ADGRB3: variants seen among roughly 807,000 people sequenced by gnomAD.
The protein encoded by ADGRB3 is adhesion G protein-coupled receptor B3, also known as brain-specific angiogenesis inhibitor 3.
In ADGRB3, 37 loss-of-function variants were observed where a neutral mutation model predicts 193.4. That is an observed-to-expected ratio of 0.19 (90% CI 0.15 to 0.25). The LOEUF (loss-of-function observed/expected upper bound fraction) is 0.25, where lower values mean the gene tolerates loss of function less well. Ranked by LOEUF, ADGRB3 falls within the 10% of genes least tolerant of loss-of-function variation. The pLI, the probability that ADGRB3 is intolerant of heterozygous loss-of-function variation, is 1.00. For missense variants in ADGRB3, 1,637 were observed against 1,852.9 expected, an observed-to-expected ratio of 0.88 and a Z score of 2.14; for synonymous variants, 690 against 644.2, an observed-to-expected ratio of 1.07 and a Z score of -1.08.
intron 3 of ADGRB3, among the ~76,000 whole-genome samples, chr6:68,879,680 T>C (rs1035947792): frequency 2.0e-5 from 3 of 152,138 alleles, no homozygotes; most frequent in African/African-American, 7.2e-5. Context: ...GGGAGAACTT[T>C]CTTTGTTGCA....
intron 3 of ADGRB3, among the ~76,000 whole-genome samples, chr6:68,749,100 G>C (rs1486760235): frequency 6.6e-6 from 1 of 152,042 alleles, no homozygotes; most frequent in Non-Finnish European, 1.5e-5. Context: ...TTTTCCTCCT[G>C]GGCCTCTTGG....
At chr6:68,823,731 G>A (rs1436179394) in intron 3 of ADGRB3, among the ~76,000 whole-genome samples, 1 of 152,140 alleles carries the variant, frequency 6.6e-6, no homozygotes, top group African/African-American at 2.4e-5. Context: ...GAATATGGGG[G>A]TCATGTTATA....
At chr6:68,670,133 T>C (rs536437169) in intron 3 of ADGRB3, among the ~76,000 whole-genome samples, 1 of 152,184 alleles carries the variant, frequency 6.6e-6, no homozygotes, top group South Asian at 2.1e-4. Flanking sequence ...TTTTTTCTTA[T>C]ATAGTTGTTT....
At chr6:68,677,269 A>G (rs1178401585) in intron 3 of ADGRB3, among the ~76,000 whole-genome samples, 1 of 152,166 alleles carries the variant, frequency 6.6e-6, no homozygotes, top group Non-Finnish European at 1.5e-5. Context: ...AACTAGTAAA[A>G]GATGTACTGT....
chr6:69,297,589 G>A (rs1767857322), intron 20 of ADGRB3, among the ~76,000 whole-genome samples: 1 of 151,800 alleles, frequency 6.6e-6, no homozygotes, highest in South Asian at 2.1e-4. Context: ...GGTTGTCAAA[G>A]GTCTTAAATG....
chr6:69,141,876 G>A (rs1774350717), intron 17 of ADGRB3, among the ~76,000 whole-genome samples: 1 of 152,200 alleles, frequency 6.6e-6, no homozygotes, highest in Admixed American at 6.5e-5. Context: ...GCTGAGATTT[G>A]CCTATATGAA....
chr6:68,759,170 G>A (rs1440392641), intron 3 of ADGRB3, among the ~76,000 whole-genome samples: 2 of 151,976 alleles, frequency 1.3e-5, no homozygotes, highest in Non-Finnish European at 2.9e-5. Context: ...GAAGACATGG[G>A]ATATTTAAAT....
intron 13 of ADGRB3, among the ~76,000 whole-genome samples, chr6:69,025,111 A>G (rs1012079082): frequency 6.6e-6 from 1 of 151,066 alleles, no homozygotes; most frequent in African/African-American, 2.4e-5. Flanking sequence ...AAAAAAAAAT[A>G]AAAAATAATA....
At chr6:68,945,862 A>G (rs2150252097) in intron 6 of ADGRB3, among the ~76,000 whole-genome samples, 1 of 152,260 alleles carries the variant, frequency 6.6e-6, no homozygotes, top group Admixed American at 6.5e-5. Context: ...TTATCACTCA[A>G]GTAGTAACAC....
At chr6:69,340,755 T>A (rs1768956699) in intron 26 of ADGRB3, among the ~76,000 whole-genome samples, 1 of 152,112 alleles carries the variant, frequency 6.6e-6, no homozygotes, top group Admixed American at 6.6e-5. Context: ...CCTAATGCCA[T>A]CCCTCCTCTA....
chr6:69,213,825 A>G (rs1234619090), intron 17 of ADGRB3, among the ~76,000 whole-genome samples: 2 of 152,186 alleles, frequency 1.3e-5, no homozygotes, highest in African/African-American at 2.4e-5. Flanking sequence ...TACAGCATTT[A>G]CTATTTTACT....
intron 17 of ADGRB3, among the ~76,000 whole-genome samples, chr6:69,094,546 G>T (rs1772813901): frequency 6.6e-6 from 1 of 152,174 alleles, no homozygotes; most frequent in Non-Finnish European, 1.5e-5. Flanking sequence ...GAGGATGAAA[G>T]ATTGAATTAT....
At chr6:68,791,049 T>TACA (rs558613597) in intron 3 of ADGRB3, among the ~76,000 whole-genome samples, 4 of 97,362 alleles carry the variant, frequency 4.1e-5, no homozygotes, top group Non-Finnish European at 9.4e-5. Flanking sequence ...CCACATCTCT[T>TACA]AAAAAAAAAA....
chr6:68,648,119 C>T (rs111493268), intron 3 of ADGRB3, among the ~76,000 whole-genome samples: 2,115 of 152,230 alleles, frequency 0.014, 53 homozygotes, highest in African/African-American at 0.046. Flanking sequence ...CCTAGCTACA[C>T]GGCTGTAAAA....
intron 10 of ADGRB3, among the ~76,000 whole-genome samples, chr6:68,981,776 A>G (rs2150269001): frequency 6.6e-6 from 1 of 151,654 alleles, no homozygotes; most frequent in East Asian, 1.9e-4. Flanking sequence ...AGTCTAGAAT[A>G]CACTTTGTTT....
chr6:69,204,515 G>C (rs796356382), intron 17 of ADGRB3, among the ~76,000 whole-genome samples: 1 of 152,066 alleles, frequency 6.6e-6, no homozygotes, highest in African/African-American at 2.4e-5. Context: ...TAAGGCATTG[G>C]ACTTAAGATC....
At chr6:68,833,736 A>G (rs1405026093) in intron 3 of ADGRB3, among the ~76,000 whole-genome samples, 3 of 151,994 alleles carry the variant, frequency 2.0e-5, no homozygotes, top group Admixed American at 1.3e-4. Flanking sequence ...TTTCTTAACA[A>G]TCACCACTAA....
intron 8 of ADGRB3, among the ~76,000 whole-genome samples, chr6:68,971,752 A>G (rs1768577157): frequency 6.6e-6 from 1 of 152,198 alleles, no homozygotes; most frequent in African/African-American, 2.4e-5. Flanking sequence ...TCAGAAACCA[A>G]CTGATTACAT....
chr6:69,128,856 C>A (rs1437114353), intron 17 of ADGRB3, among the ~76,000 whole-genome samples: 1 of 152,094 alleles, frequency 6.6e-6, no homozygotes, highest in Non-Finnish European at 1.5e-5. Flanking sequence ...TGAATGAAAA[C>A]CTAAGGATCA....
Sources: gnomAD v4.1 joint callset for allele counts (sites outside exome capture counted in the v4.1 genomes callset) on GRCh38, gnomAD v4.1.1 for gene constraint, MANE v1.5 for transcripts, NCBI Gene and HGNC (gene_info 2026-07-23, HGNC 2026-07-21) for gene names.